Variants in CTNND2 observed in about 807,000 individuals in gnomAD.
CTNND2 encodes the protein catenin delta 2, also known as catenin delta-2.
CTNND2 carries 22 observed loss-of-function variants against 144.4 expected under a neutral mutation model. The ratio of observed to expected loss-of-function variants is 0.15; its 90% confidence interval spans 0.11 to 0.22. The LOEUF (loss-of-function observed/expected upper bound fraction) is 0.22, where lower values mean the gene tolerates loss of function less well. Ranked by LOEUF, CTNND2 falls within the 10% of genes least tolerant of loss-of-function variation. The pLI is 1.00. For missense variants in CTNND2, 1,353 were observed against 1,618.8 expected (o/e 0.84, Z 2.82); for synonymous variants, 751 against 695.6 (o/e 1.08, Z -1.25).
chr5:11,026,358 T>C (rs1742832578), intron 16 of CTNND2, among the ~76,000 whole-genome samples: 1 of 140,708 alleles, frequency 7.1e-6, no homozygotes, highest in African/African-American at 2.7e-5. Flanking sequence ...TTCTTCTTCT[T>C]TTTTTTTTTT....
rs184237728 is a variant in CTNND2 at position 11,345,817 on chromosome 5, A to C, written c.1628+555T>G. Among the ~76,000 whole-genome samples the C allele has an allele frequency of 4.6e-5, 7 of 152,086 alleles. No individual in the cohort carries two copies. The Middle Eastern group carries it at 0.01, about 222-fold the overall frequency. ...ACAGCAACAACAACCACAAAAAAAA[A>C]CCTCCATAACAACAATTTCTCTAAT... On this transcript the variant is annotated intron_variant, in intron 9 of 21. Transcript: ENST00000304623.
intron 3 of CTNND2, among the ~76,000 whole-genome samples, chr5:11,529,624 T>C (rs925598645): frequency 6.6e-6 from 1 of 152,248 alleles, no homozygotes; most frequent in African/African-American, 2.4e-5. Context: ...AAGCATGCAG[T>C]GGATTTACTA....
At chr5:11,820,741 C>T (rs1793264474) in intron 1 of CTNND2, among the ~76,000 whole-genome samples, 1 of 152,164 alleles carries the variant, frequency 6.6e-6, no homozygotes, top group African/African-American at 2.4e-5. Flanking sequence ...ATAATTCTTG[C>T]TCTATGTCTG....
chr5:11,670,799 T>C (rs1049583493), intron 2 of CTNND2, among the ~76,000 whole-genome samples: 9 of 152,228 alleles, frequency 5.9e-5, no homozygotes, highest in African/African-American at 2.2e-4. Flanking sequence ...TTGTTATGTA[T>C]GAATTTGATC....
At chr5:11,242,945 T>C (rs1742606963) in intron 9 of CTNND2, among the ~76,000 whole-genome samples, 1 of 152,192 alleles carries the variant, frequency 6.6e-6, no homozygotes, top group South Asian at 2.1e-4. Flanking sequence ...TAAAATAATA[T>C]ATATGAAAGT....
At chr5:11,790,473 C>T (rs530561025) in intron 1 of CTNND2, among the ~76,000 whole-genome samples, 64 of 152,224 alleles carry the variant, frequency 4.2e-4, no homozygotes, top group Non-Finnish European at 5.0e-4. Context: ...ATGCTCTCTT[C>T]CTTTGTAAAA....
chr5:11,225,596 C>G (rs1740245934), intron 10 of CTNND2, among the ~76,000 whole-genome samples: 1 of 152,124 alleles, frequency 6.6e-6, no homozygotes, highest in Non-Finnish European at 1.5e-5. Context: ...TCCAAACCAC[C>G]CTGCCAAAAA....
At chr5:11,382,595 C>CTGTGTATA (rs755324887) in intron 7 of CTNND2, among the ~76,000 whole-genome samples, 3,051 of 130,200 alleles carry the variant, frequency 0.023, 74 homozygotes, top group South Asian at 0.037. Flanking sequence ...GAGTGAGACT[C>CTGTGTATA]TGTGTGTGTG....
At chr5:11,381,181 C>A (rs1758447964) in intron 7 of CTNND2, among the ~76,000 whole-genome samples, 1 of 152,142 alleles carries the variant, frequency 6.6e-6, no homozygotes, top group Non-Finnish European at 1.5e-5. Flanking sequence ...CCATCTTAAC[C>A]CAAACCATAA....
At chr5:11,579,147 CTT>C (rs57335413) in intron 2 of CTNND2, among the ~76,000 whole-genome samples, 2,842 of 137,574 alleles carry the variant, frequency 0.021, 85 homozygotes, top group African/African-American at 0.069. Flanking sequence ...AGTTCCTTTC[CTT>C]TTTTTTTTTT....
At chr5:11,140,273 G>A (rs1756599388) in intron 12 of CTNND2, among the ~76,000 whole-genome samples, 1 of 152,062 alleles carries the variant, frequency 6.6e-6, no homozygotes, top group African/African-American at 2.4e-5. Flanking sequence ...ACCTGTCCAG[G>A]GCAAAGGAAC....
intron 11 of CTNND2, among the ~76,000 whole-genome samples, chr5:11,162,835 T>C (rs1190732352): frequency 1.3e-5 from 2 of 151,908 alleles, no homozygotes; most frequent in East Asian, 1.9e-4. Context: ...TTATATCATC[T>C]GGCAGGAGTT....
rs190601608 is a variant in CTNND2, at chr5:11,714,954, T to C, written c.174+17182A>G. Among the ~76,000 whole-genome samples the C allele has an allele frequency of 4.8e-3, 724 of 151,456 alleles. 4 individuals carry two copies. Among genetic ancestry groups the C allele is most frequent in the African/African-American group, 0.017 (694 of 41,364 alleles). Reference sequence around the variant, plus strand: ...AGAAAGAAATCAGGAAGGTAAAGAATGAAAATGTACGTGTATTGCGATACA... The same window carrying C: ...AGAAAGAAATCAGGAAGGTAAAGAACGAAAATGTACGTGTATTGCGATACA... On this transcript the variant is annotated intron_variant, in intron 2 of 21. Coordinates refer to ENST00000304623, the MANE Select transcript of CTNND2 (RefSeq NM_001332.4).
intron 1 of CTNND2, among the ~76,000 whole-genome samples, chr5:11,854,388 C>T (rs1795157878): frequency 6.6e-6 from 1 of 152,200 alleles, no homozygotes; most frequent in South Asian, 2.1e-4. Context: ...TTATTGTCAC[C>T]CTCCCAAACA....
chr5:11,588,808 T>C, intron 2 of CTNND2: 1 of 985,332 alleles, frequency 1.0e-6, no homozygotes. Context: ...AGACGACTAG[T>C]CCCAAAGATG....
chr5:11,753,114 T>C (rs147819325), intron 1 of CTNND2, among the ~76,000 whole-genome samples: 238 of 151,986 alleles, frequency 1.6e-3, no homozygotes, highest in African/African-American at 5.4e-3. Context: ...TAGAATCATA[T>C]TGTCTGCAAG....
chr5:11,532,196 G>A (rs1773804545), intron 3 of CTNND2, among the ~76,000 whole-genome samples: 1 of 152,168 alleles, frequency 6.6e-6, no homozygotes, highest in Admixed American at 6.5e-5. Context: ...TGTAGTCTTG[G>A]TTGTGACTAC....
intron 9 of CTNND2, among the ~76,000 whole-genome samples, chr5:11,297,777 T>C (rs1335866479): frequency 6.6e-6 from 1 of 152,158 alleles, no homozygotes; most frequent in Non-Finnish European, 1.5e-5. Context: ...GTGACTAAGC[T>C]ATGAACCAAC....
chr5:11,344,367 G>C (rs1165457847), intron 9 of CTNND2, among the ~76,000 whole-genome samples: 1 of 151,652 alleles, frequency 6.6e-6, no homozygotes, highest in African/African-American at 2.4e-5. Context: ...ACTCCAGCCT[G>C]GGCGACAAAA....
Sources: allele counts gnomAD v4.1 joint callset (sites outside exome capture counted in the v4.1 genomes callset), GRCh38; gene constraint gnomAD v4.1.1; transcripts MANE v1.5; gene names NCBI Gene and HGNC (gene_info 2026-07-23, HGNC 2026-07-21).